Variants in CCDC60 observed in about 807,000 individuals in gnomAD.
CCDC60 encodes coiled-coil domain-containing protein 60.
CCDC60 carries 54 observed loss-of-function variants against 63.5 expected under a neutral mutation model. The ratio of observed to expected loss-of-function variants is 0.85; its 90% CI spans 0.68 to 1.07. CCDC60 has a LOEUF of 1.07. Ranked by LOEUF, CCDC60 falls within the 50% of genes least tolerant of loss-of-function variation. The pLI, the probability that CCDC60 is intolerant of heterozygous loss-of-function variation, is 0.00. For synonymous variants in CCDC60, 206 were observed against 238.8 expected, an observed-to-expected ratio of 0.86 and a Z score of 1.27; for missense variants, 651 against 684.3, an observed-to-expected ratio of 0.95 and a Z score of 0.54.
At chr12:119,439,695 T>C (rs1052451233) in intron 2 of CCDC60, among the ~76,000 whole-genome samples, 1 of 152,192 alleles carries the variant, frequency 6.6e-6, no homozygotes, top group Non-Finnish European at 1.5e-5. Context: ...AAGTGTTCTG[T>C]AGTCACAGAT....
intron 7 of CCDC60, among the ~76,000 whole-genome samples, chr12:119,514,246 G>C: frequency 6.6e-6 from 1 of 151,578 alleles, no homozygotes; most frequent in East Asian, 1.9e-4. Flanking sequence ...GCGCAGTCTC[G>C]GTTTACTGCA....
At chr12:119,408,999 A>G (rs905835525) in intron 1 of CCDC60, among the ~76,000 whole-genome samples, 4 of 152,186 alleles carry the variant, frequency 2.6e-5, no homozygotes, top group Admixed American at 2.6e-4. Flanking sequence ...ACCTCATCTC[A>G]GAAGGGACAT....
At chr12:119,458,932 G>C (rs889912712) in intron 2 of CCDC60, among the ~76,000 whole-genome samples, 1 of 152,024 alleles carries the variant, frequency 6.6e-6, no homozygotes, top group Admixed American at 6.6e-5. Context: ...ATTTTTAGTA[G>C]AGACAGAGTT....
At chr12:119,430,111 G>T (rs1315501662) in intron 2 of CCDC60, among the ~76,000 whole-genome samples, 3 of 151,770 alleles carry the variant, frequency 2.0e-5, no homozygotes, top group African/African-American at 7.3e-5. Flanking sequence ...GTGTCAATTT[G>T]CACCAGTAAC....
intron 1 of CCDC60, among the ~76,000 whole-genome samples, chr12:119,373,719 C>T (rs1955922828): frequency 6.6e-6 from 1 of 151,860 alleles, no homozygotes; most frequent in Non-Finnish European, 1.5e-5. Flanking sequence ...GGGCGTCCCC[C>T]TTCATTTCCA....
rs939728983 is a variant in CCDC60, at chr12:119,359,490, C to T, written c.90+24224C>T. On this transcript the variant is annotated intron_variant, in intron 1 of 13. Transcript: ENST00000327554. ...GAATAAATATTGAGAATATTGAGTA[C>T]TTATACATATATTTTTAAATATATA... Among the ~76,000 whole-genome samples the T allele has an allele frequency of 2.0e-5, 3 of 150,220 alleles. 1 individual carries two copies. Among genetic ancestry groups the T allele is most frequent in the East Asian group, 3.9e-4 (2 of 5,142 alleles).
Position 119,522,967 on chromosome 12 carries a change from A to G in CCDC60, c.1069A>G (p.Ser357Gly), listed in dbSNP as rs139069574. 189 of 1,614,100 alleles carry G rather than the reference A, an allele frequency of 1.2e-4. No homozygotes were observed. Among genetic ancestry groups the G allele is most frequent in the Middle Eastern group, 1.6e-4 (1 of 6,084 alleles). The change falls in exon 10 of 14, where the codon AGC (serine) becomes GGC (glycine). Residue 357 changes from serine to glycine, a missense_variant. By Grantham distance (56) the Ser-to-Gly change is moderately conservative (BLOSUM62 0). Coordinates refer to ENST00000327554, the MANE Select transcript of CCDC60 (RefSeq NM_178499.5). ...SERSSSTSAE[S>G]HIQPVQKKSK... Reference sequence around the variant, plus strand: ...GAGATCCAGCAGTACAAGTGCAGAAAGCCACATCCAACCAGTCCAGAAGAA... The same window carrying G: ...GAGATCCAGCAGTACAAGTGCAGAAGGCCACATCCAACCAGTCCAGAAGAA...
chr12:119,513,808 A>G (rs1193763272), intron 7 of CCDC60, among the ~76,000 whole-genome samples: 1 of 152,240 alleles, frequency 6.6e-6, no homozygotes, highest in African/African-American at 2.4e-5. Context: ...TGCATTTTAT[A>G]CTGCATATAA....
intron 2 of CCDC60, among the ~76,000 whole-genome samples, chr12:119,432,677 A>C (rs1023548867): frequency 7.9e-5 from 12 of 152,254 alleles, no homozygotes; most frequent in African/African-American, 2.9e-4. Flanking sequence ...GGAGGGCGAC[A>C]AAGCAGTGGC....
rs866607220 is a variant in CCDC60 at position 119,479,255 on chromosome 12, G to A, written c.449+54G>A. 26 of 1,254,602 alleles carry A rather than the reference G, an allele frequency of 2.1e-5. No individual in the cohort carries two copies. The Middle Eastern group carries it at 2.8e-3, about 134-fold the overall frequency. 77.7% of individuals were successfully genotyped at this position (1,254,602 alleles called of 1,614,324 possible). A position where few individuals can be genotyped will look rare whatever the true frequency, so the allele number is the denominator to read the frequency against. On this transcript the variant is annotated intron_variant, in intron 4 of 13. Transcript: ENST00000327554. ...CTTTGCTAGCTTATAAATTGAAGCC[G>A]AACTGAAATGACTCAACGAGCTGTC...
intron 1 of CCDC60, among the ~76,000 whole-genome samples, chr12:119,390,556 G>C (rs2136196608): frequency 6.6e-6 from 1 of 152,338 alleles, no homozygotes; most frequent in South Asian, 2.1e-4. Flanking sequence ...AATGAATGTG[G>C]ATGGACCCCT....
intron 2 of CCDC60, among the ~76,000 whole-genome samples, chr12:119,444,749 A>G (rs866924779): frequency 6.6e-6 from 1 of 152,182 alleles, no homozygotes; most frequent in Non-Finnish European, 1.5e-5. Context: ...CTCAGAACCC[A>G]GAGCGTTTGA....
chr12:119,385,177 T>G (rs1370748048), intron 1 of CCDC60, among the ~76,000 whole-genome samples: 1 of 152,184 alleles, frequency 6.6e-6, no homozygotes, highest in Non-Finnish European at 1.5e-5. Context: ...ACCATTTGCC[T>G]CTCCAGAACC....
Position 119,532,463 on chromosome 12 carries a change from C to T in CCDC60, c.1551+1400C>T, listed in dbSNP as rs538538166. Among the ~76,000 whole-genome samples the T allele has an allele frequency of 6.7e-5, 10 of 149,568 alleles. No individual in the cohort carries two copies. In the South Asian group the frequency reaches 1.3e-3, roughly 19 times the overall value. On this transcript the variant is annotated intron_variant, in intron 13 of 13. Coordinates refer to ENST00000327554, the MANE Select transcript of CCDC60 (RefSeq NM_178499.5). Reference sequence around the variant, plus strand: ...TACTTTAAGTTCTGGGATACATGTGCGTAACGTGAAGGTTTGTTACATAGG... The same window carrying T: ...TACTTTAAGTTCTGGGATACATGTGTGTAACGTGAAGGTTTGTTACATAGG...
At chr12:119,463,774 T>C (rs1221821843) in intron 2 of CCDC60, among the ~76,000 whole-genome samples, 1 of 152,256 alleles carries the variant, frequency 6.6e-6, no homozygotes, top group African/African-American at 2.4e-5. Flanking sequence ...TACAGCTCTG[T>C]TCTTATGGCC....
At chr12:119,518,077 G>A (rs1045859663) in intron 8 of CCDC60, among the ~76,000 whole-genome samples, 3 of 152,034 alleles carry the variant, frequency 2.0e-5, no homozygotes, top group South Asian at 2.1e-4. Context: ...ATCACACCTC[G>A]CCTCTGCTTG....
chr12:119,414,956 G>A (rs910832710), intron 1 of CCDC60, among the ~76,000 whole-genome samples: 2 of 152,226 alleles, frequency 1.3e-5, no homozygotes, highest in Non-Finnish European at 2.9e-5. Context: ...TTCTCCTTCT[G>A]TAAAAGGGAC....
chr12:119,509,144 C>T (rs1952139180), intron 7 of CCDC60, among the ~76,000 whole-genome samples: 2 of 152,194 alleles, frequency 1.3e-5, no homozygotes, highest in Admixed American at 1.3e-4. Context: ...ACCCTACCCT[C>T]TTCACACCTA....
At chr12:119,448,926 T>A (rs1293706415) in intron 2 of CCDC60, among the ~76,000 whole-genome samples, 2 of 152,158 alleles carry the variant, frequency 1.3e-5, no homozygotes, top group Non-Finnish European at 2.9e-5. Flanking sequence ...AAACGCTGAC[T>A]CACATTAATT....
Sources: gnomAD v4.1 joint callset for allele counts (sites outside exome capture counted in the v4.1 genomes callset) on GRCh38, gnomAD v4.1.1 for gene constraint, MANE v1.5 for transcripts, NCBI Gene and HGNC (gene_info 2026-07-23, HGNC 2026-07-21) for gene names.